The following MOCOS variants were observed in gnomAD, a reference collection of about 807,000 sequenced individuals.
MOCOS encodes the protein molybdenum cofactor sulfurase.
MOCOS carries 86 observed loss-of-function variants against 83.6 expected under a neutral mutation model. The ratio of observed to expected loss-of-function variants is 1.03; its 90% CI spans 0.86 to 1.23. The LOEUF (loss-of-function observed/expected upper bound fraction) is 1.23. Ranked by LOEUF, MOCOS falls within the 50% of genes most tolerant of loss-of-function variation. The probability of loss-of-function intolerance (pLI) is 0.00; values close to 1 mark genes in which losing one functional copy is unlikely to be tolerated. For synonymous variants in MOCOS, 445 were observed against 434.7 expected (o/e 1.02, Z -0.29); for missense variants, 1,120 against 1,126.9 (o/e 0.99, Z 0.09).
At position 36,213,432 on chromosome 18, in the gene MOCOS, T is replaced by C; in HGVS notation, c.1285T>C (p.Cys429Arg). The part of the protein sequence containing the change: ...RTGCFCNTGA[C>R]QRHLGISNEM... ...TGGCTGCTTCTGTAACACTGGGGCC[T>C]GCCAGAGGCACCTGGGCATAAGCAA... Residue 429 changes from cysteine to arginine, a missense_variant, in exon 7 of 15, where the codon TGC becomes CGC. Cys to Arg is a radical substitution (Grantham distance 180). Coordinates refer to ENST00000261326, the MANE Select transcript of MOCOS (RefSeq NM_017947.4). 1 of 1,614,096 alleles carries C rather than the reference T, an allele frequency of 6.2e-7. No homozygotes were observed.
intron 7 of MOCOS, among the ~76,000 whole-genome samples, chr18:36,214,788 C>T (rs1473679441): frequency 6.6e-6 from 1 of 152,138 alleles, no homozygotes; most frequent in Non-Finnish European, 1.5e-5. Flanking sequence ...AGGCTCAGAA[C>T]ACAAACACAG....
intron 4 of MOCOS, among the ~76,000 whole-genome samples, chr18:36,202,261 T>C (rs142415395): frequency 6.6e-6 from 1 of 151,452 alleles, no homozygotes; most frequent in African/African-American, 2.4e-5. Flanking sequence ...AAAACTTTTA[T>C]TTTAAGAAAT....
At chr18:36,252,673 A>G (rs1180932951) in intron 11 of MOCOS, among the ~76,000 whole-genome samples, 1 of 152,156 alleles carries the variant, frequency 6.6e-6, no homozygotes, top group Admixed American at 6.5e-5. Context: ...GCAGTGAGTT[A>G]TCATCACACC....
chr18:36,249,812 G>T (rs1163144875), intron 10 of MOCOS, among the ~76,000 whole-genome samples: 1 of 151,970 alleles, frequency 6.6e-6, no homozygotes, highest in African/African-American at 2.4e-5. Flanking sequence ...AGGGTGAGGG[G>T]GGTTATCAAG....
intron 9 of MOCOS, among the ~76,000 whole-genome samples, chr18:36,227,796 G>T (rs987074865): frequency 6.6e-6 from 1 of 152,128 alleles, no homozygotes; most frequent in Non-Finnish European, 1.5e-5. Context: ...TCATAGTGAA[G>T]ACAGCAAAAG....
chr18:36,265,980 A>G (rs1182417008), intron 13 of MOCOS, among the ~76,000 whole-genome samples: 5 of 152,134 alleles, frequency 3.3e-5, no homozygotes, highest in African/African-American at 9.7e-5. Context: ...TTTTCCTATT[A>G]TGAACAATGT....
At chr18:36,250,946 CT>C (rs1430657333) in intron 10 of MOCOS, among the ~76,000 whole-genome samples, 1 of 152,160 alleles carries the variant, frequency 6.6e-6, no homozygotes, top group Non-Finnish European at 1.5e-5. Flanking sequence ...AATGTTGAAG[CT>C]TTTTATTTGG....
intron 6 of MOCOS, among the ~76,000 whole-genome samples, chr18:36,210,682 C>G (rs2091451434): frequency 6.6e-6 from 1 of 151,284 alleles, no homozygotes; most frequent in South Asian, 2.1e-4. Context: ...GAAACCCTGT[C>G]TCTACTAAAA....
chr18:36,204,229 C>T (rs59594233), intron 5 of MOCOS, among the ~76,000 whole-genome samples: 8,528 of 152,202 alleles, frequency 0.056, 279 homozygotes, highest in East Asian at 0.099. Context: ...AACAATAACT[C>T]TCTATTTCCT....
At chr18:36,268,450 A>G in intron 14 of MOCOS, 83 bp from the exon 15 acceptor site, 1 of 1,565,816 alleles carries the variant, frequency 6.4e-7, no homozygotes, top group South Asian at 1.1e-5. Flanking sequence ...ACTTGATTTT[A>G]GTTAAACATT....
intron 9 of MOCOS, among the ~76,000 whole-genome samples, chr18:36,243,748 A>T (rs1246141445): frequency 1.3e-5 from 2 of 151,948 alleles, no homozygotes; most frequent in African/African-American, 4.8e-5. Context: ...CTGGTCCTGG[A>T]CTTTTTTTAT....
chr18:36,221,281 G>A (rs1224908375), intron 9 of MOCOS, among the ~76,000 whole-genome samples: 2 of 152,126 alleles, frequency 1.3e-5, no homozygotes, highest in African/African-American at 4.8e-5. Flanking sequence ...CTACAGTGTT[G>A]GACAGCACGG....
chr18:36,245,585 C>T (rs974087441), intron 9 of MOCOS, among the ~76,000 whole-genome samples: 1 of 152,290 alleles, frequency 6.6e-6, no homozygotes, highest in East Asian at 1.9e-4. Flanking sequence ...CTTTAGCTAA[C>T]CTGATGACTA....
intron 8 of MOCOS, among the ~76,000 whole-genome samples, chr18:36,219,150 A>T (rs1419985725): frequency 2.0e-5 from 3 of 149,322 alleles, no homozygotes; most frequent in Non-Finnish European, 4.4e-5. Flanking sequence ...TATAGGAATG[A>T]GCCACCATGC....
At chr18:36,203,979 A>T (rs918077680) in intron 5 of MOCOS, among the ~76,000 whole-genome samples, 1 of 152,184 alleles carries the variant, frequency 6.6e-6, no homozygotes, top group Non-Finnish European at 1.5e-5. Context: ...GGTAGCTCGG[A>T]ATGCAAAGGT....
Position 36,266,799 on chromosome 18 carries a change from T to C in MOCOS, c.2460T>C (p.Thr820=), listed in dbSNP as rs1285500767. The change falls in exon 14 of 15, where the codon ACT becomes ACC. Residue 820 remains threonine (T), a synonymous_variant. Transcript: ENST00000261326. ...AGATGATTTGCATCGACCAGCAAACTGGGCAACGAAACCAGCATGTTTTCC... is the reference window on the plus strand; with the variant it reads ...AGATGATTTGCATCGACCAGCAAACCGGGCAACGAAACCAGCATGTTTTCC... ...RCQMICIDQQ[T]GQRNQHVFQK... The C allele has an allele frequency of 1.1e-5, 17 of 1,614,088 alleles. No homozygotes were observed. Among genetic ancestry groups the C allele is most frequent in the Non-Finnish European group, 1.4e-5 (17 of 1,180,034 alleles).
chr18:36,266,168 C>G (rs563275443), intron 13 of MOCOS, among the ~76,000 whole-genome samples: 1 of 152,280 alleles, frequency 6.6e-6, no homozygotes, highest in South Asian at 2.1e-4. Context: ...TTCTTTCTTG[C>G]TCTGTTGCCC....
intron 12 of MOCOS, among the ~76,000 whole-genome samples, chr18:36,257,973 TACA>T (rs1341717774): frequency 3.3e-5 from 5 of 152,348 alleles, no homozygotes; most frequent in East Asian, 1.9e-4. Flanking sequence ...GTTGAAAATA[TACA>T]ACATCATTCT....
intron 12 of MOCOS, 44 bp from the exon 13 acceptor site, chr18:36,259,993 C>G: frequency 6.2e-7 from 1 of 1,611,400 alleles, no homozygotes; most frequent in Non-Finnish European, 8.5e-7. Flanking sequence ...GTACAATTAT[C>G]TGCCATCCTC....
Sources: gnomAD v4.1 joint callset for allele counts (sites outside exome capture counted in the v4.1 genomes callset) on GRCh38, gnomAD v4.1.1 for gene constraint, MANE v1.5 for transcripts, NCBI Gene and HGNC (gene_info 2026-07-23, HGNC 2026-07-21) for gene names.